PCNX1: variants seen among roughly 807,000 people sequenced by gnomAD.
The protein encoded by PCNX1 is pecanex-like protein 1.
In PCNX1, 78 loss-of-function variants were observed where a neutral mutation model predicts 242.2. The observed-to-expected ratio is 0.32, with a 90% CI of 0.27 to 0.39. The LOEUF is 0.39. Ranked by LOEUF, PCNX1 falls within the 10% of genes least tolerant of loss-of-function variation. The probability of loss-of-function intolerance (pLI) is 1.00; values close to 1 mark genes in which losing one functional copy is unlikely to be tolerated. For missense variants in PCNX1, 2,581 were observed against 2,856.5 expected (o/e 0.90, Z 2.20); for synonymous variants, 1,024 against 1,032.9 (o/e 0.99, Z 0.17).
chr14:70,986,619 C>T (rs2059009770), intron 6 of PCNX1, among the ~76,000 whole-genome samples: 1 of 152,150 alleles, frequency 6.6e-6, no homozygotes, highest in African/African-American at 2.4e-5. Context: ...TTCTCTTCTT[C>T]CTGTTCTGTA....
chr14:70,931,289 A>G (rs940659142), intron 1 of PCNX1, among the ~76,000 whole-genome samples: 2 of 152,232 alleles, frequency 1.3e-5, no homozygotes, highest in African/African-American at 4.8e-5. Flanking sequence ...TAAAAAAGCT[A>G]AAACTTGAGG....
At chr14:71,095,257 G>A (rs1274991752) in intron 30 of PCNX1, among the ~76,000 whole-genome samples, 1 of 152,112 alleles carries the variant, frequency 6.6e-6, no homozygotes, top group African/African-American at 2.4e-5. Context: ...GATATGTGCT[G>A]AAAATTTTAC....
At chr14:71,045,682 C>T (rs1030976355) in intron 20 of PCNX1, among the ~76,000 whole-genome samples, 4 of 152,064 alleles carry the variant, frequency 2.6e-5, no homozygotes, top group Non-Finnish European at 2.9e-5. Flanking sequence ...TAACTTAATG[C>T]GTAGGGAGGA....
At chr14:71,061,151 A>C (rs2061316448) in intron 26 of PCNX1, among the ~76,000 whole-genome samples, 1 of 152,202 alleles carries the variant, frequency 6.6e-6, no homozygotes, top group Admixed American at 6.5e-5. Context: ...CCAGGTTTCA[A>C]GTTATTAAGG....
chr14:71,044,912 C>T (rs1160476774), intron 19 of PCNX1, among the ~76,000 whole-genome samples: 3 of 152,170 alleles, frequency 2.0e-5, no homozygotes, highest in Non-Finnish European at 4.4e-5. Context: ...GTAGTTAACC[C>T]GTTTCAAAAT....
intron 32 of PCNX1, among the ~76,000 whole-genome samples, chr14:71,104,620 TTGGCAC>T (rs1292585734): frequency 1.3e-5 from 2 of 152,102 alleles, no homozygotes; most frequent in African/African-American, 2.4e-5. Context: ...TGAACAGACA[TTGGCAC>T]TGGTAAGAAT....
intron 12 of PCNX1, 91 bp downstream of exon 12, chr14:71,019,253 A>G: frequency 9.9e-7 from 1 of 1,013,754 alleles, no homozygotes; most frequent in South Asian, 2.0e-5. Context: ...TAGTAAGATA[A>G]TTATTTTTAG....
intron 12 of PCNX1, among the ~76,000 whole-genome samples, chr14:71,021,706 A>G (rs934448123): frequency 1.3e-5 from 2 of 152,148 alleles, no homozygotes; most frequent in Non-Finnish European, 2.9e-5. Flanking sequence ...ATGCTTTATG[A>G]ATGCTACATC....
intron 1 of PCNX1, among the ~76,000 whole-genome samples, chr14:70,932,984 G>C (rs1048717011): frequency 1.3e-5 from 2 of 152,020 alleles, no homozygotes; most frequent in Non-Finnish European, 2.9e-5. Flanking sequence ...CTAAACCATT[G>C]TTTTCTAGTG....
chr14:70,946,866 C>A, intron 1 of PCNX1, 49 bp from the exon 2 acceptor site: 1 of 1,193,116 alleles, frequency 8.4e-7, no homozygotes, highest in Non-Finnish European at 1.2e-6. Context: ...TAATTGAATA[C>A]GATATAAAAT....
chr14:71,011,649 T>A (rs1479950885), intron 10 of PCNX1, 100 bp downstream of exon 10: 1 of 758,608 alleles, frequency 1.3e-6, no homozygotes, highest in African/African-American at 1.8e-5. Context: ...ATTGATGAAG[T>A]TACACAAAAA....
At chr14:71,069,608 T>C (rs1220291197) in intron 26 of PCNX1, among the ~76,000 whole-genome samples, 2 of 152,248 alleles carry the variant, frequency 1.3e-5, no homozygotes, top group Non-Finnish European at 2.9e-5. Context: ...GGTTTTCCAC[T>C]GCATATAAAA....
At chr14:71,102,929 T>A (rs2062503038) in intron 31 of PCNX1, among the ~76,000 whole-genome samples, 1 of 152,216 alleles carries the variant, frequency 6.6e-6, no homozygotes, top group South Asian at 2.1e-4. Context: ...ATTCTAACTT[T>A]TGCTTGTTTG....
intron 5 of PCNX1, among the ~76,000 whole-genome samples, chr14:70,970,395 G>A (rs2058506748): frequency 6.6e-6 from 1 of 152,020 alleles, no homozygotes; most frequent in Admixed American, 6.6e-5. Flanking sequence ...CAATCAATCA[G>A]TCAATATCAA....
At chr14:71,016,784 A>G (rs2059972353) in intron 11 of PCNX1, among the ~76,000 whole-genome samples, 1 of 152,210 alleles carries the variant, frequency 6.6e-6, no homozygotes, top group African/African-American at 2.4e-5. Context: ...AAAGGTCTCA[A>G]ATCAGTGACT....
intron 6 of PCNX1, among the ~76,000 whole-genome samples, chr14:70,987,243 C>CT (rs1233374802): frequency 6.6e-6 from 1 of 152,172 alleles, no homozygotes; most frequent in African/African-American, 2.4e-5. Flanking sequence ...TTCAATATAA[C>CT]TTTGTGTGAT....
At chr14:71,041,484 C>T (rs146607026) in intron 19 of PCNX1, among the ~76,000 whole-genome samples, 28 of 152,218 alleles carry the variant, frequency 1.8e-4, no homozygotes, top group Non-Finnish European at 2.1e-4. Context: ...AATTTATTCA[C>T]ATATAGTTAC....
At chr14:70,986,599 C>T (rs2059008926) in intron 6 of PCNX1, among the ~76,000 whole-genome samples, 2 of 152,004 alleles carry the variant, frequency 1.3e-5, no homozygotes, top group African/African-American at 2.4e-5. Flanking sequence ...TAAAGAAAAC[C>T]GTCTCATGTT....
At position 70,977,697 on chromosome 14, in the gene PCNX1, A is replaced by G. The variant is rs1374761411; in HGVS notation, c.1360A>G (p.Ile454Val). The change falls in exon 6 of 36, where the codon ATT (isoleucine) becomes GTT (valine). Residue 454 changes from isoleucine (I) to valine (V), a missense_variant. Physicochemically the swap from Ile to Val is conservative, Grantham distance 29. Coordinates refer to ENST00000304743, the MANE Select transcript of PCNX1 (RefSeq NM_014982.3). ...TGACAAAAGGACTAGCAGTGAAAAGATTGCTATGGAAGCGAGTACCAACAG... is the reference window on the plus strand; with the variant it reads ...TGACAAAAGGACTAGCAGTGAAAAGGTTGCTATGGAAGCGAGTACCAACAG... ...ASDKRTSSEK[I>V]AMEASTNSGV... is the part of the protein sequence containing the mutation. 6.2e-7 allele frequency: 1 copy of G among 1,614,142 alleles called. No individual in the cohort carries two copies. Among genetic ancestry groups the G allele is most frequent in the Non-Finnish European group, 8.5e-7 (1 of 1,180,032 alleles).
Sources: allele counts gnomAD v4.1 joint callset (sites outside exome capture counted in the v4.1 genomes callset), GRCh38; gene constraint gnomAD v4.1.1; transcripts MANE v1.5; gene names NCBI Gene and HGNC (gene_info 2026-07-23, HGNC 2026-07-21).